Variants in RASL12 observed in about 807,000 individuals in gnomAD.
RASL12 encodes the protein RAS like family 12, also known as ras-like protein family member 12.
In RASL12, 16 loss-of-function variants were observed where a neutral mutation model predicts 22.9. That is an observed-to-expected ratio of 0.70 (90% CI 0.47 to 1.06). The LOEUF (loss-of-function observed/expected upper bound fraction) is 1.06, where lower values mean the gene tolerates loss of function less well. Among genes scored for constraint, RASL12 ranks in the 50% least tolerant of loss-of-function variants. The pLI, the probability that RASL12 is intolerant of heterozygous loss-of-function variation, is 0.00. For missense variants in RASL12, 306 were observed against 353.1 expected, an observed-to-expected ratio of 0.87 and a Z score of 1.07; for synonymous variants, 159 against 152.2, an observed-to-expected ratio of 1.04 and a Z score of -0.33.
At chr15:65,075,238 A>C (rs2946640) in intron 1 of RASL12, among the ~76,000 whole-genome samples, 1 of 152,046 alleles carries the variant, frequency 6.6e-6, no homozygotes, top group Admixed American at 6.5e-5. Context: ...TTGATTTCTC[A>C]CCGGGCCTTA....
chr15:65,063,870 G>A (rs1052162489), intron 2 of RASL12, among the ~76,000 whole-genome samples: 3 of 152,194 alleles, frequency 2.0e-5, no homozygotes, highest in South Asian at 2.1e-4. Flanking sequence ...CTCCAGGTGC[G>A]GCAGGAGCGC....
At chr15:65,073,059 A>G (rs944817607) in intron 1 of RASL12, among the ~76,000 whole-genome samples, 3 of 152,090 alleles carry the variant, frequency 2.0e-5, no homozygotes, top group African/African-American at 7.2e-5. Context: ...AGAAACAAAC[A>G]AACAAAAAAA....
chr15:65,068,030 G>A, upstream of RASL12: 1 of 1,123,586 alleles, frequency 8.9e-7, no homozygotes. The surrounding 1 kb of genome is among the most constrained non-coding windows in gnomAD (Gnocchi z 4.2). Context: ...GAGCCTGGCG[G>A]GCGGGGCCAC....
upstream of RASL12, among the ~76,000 whole-genome samples, chr15:65,070,760 T>C (rs1041888403): frequency 5.3e-5 from 8 of 151,946 alleles, no homozygotes; most frequent in African/African-American, 1.9e-4. Flanking sequence ...CCTTTCGCGA[T>C]GTGGTTGCCT....
chr15:65,058,600 G>T lies in RASL12; in HGVS notation c.252C>A (p.Cys84Ter). 6.4e-7 allele frequency: 1 copy of T among 1,573,216 alleles called. No homozygotes were observed. Among genetic ancestry groups the T allele is most frequent in the African/African-American group, 1.3e-5 (1 of 74,134 alleles). ...CATGGGCCCAGTTCAGGTAGCGCTC[G>T]CAGTTCCTGGGGGTGTCCTGGGGTG... ...DTADLDTPRN[C>*]ERYLNWAHAF... Residue 84 changes from cysteine to a stop codon, truncating the protein, a stop_gained, in exon 4 of 5, where the codon TGC (cysteine) becomes TGA (stop). Transcript: ENST00000220062. LOFTEE classifies it high-confidence loss of function.
chr15:65,069,114 A>G (rs1255084623), upstream of RASL12, among the ~76,000 whole-genome samples: 1 of 152,160 alleles, frequency 6.6e-6, no homozygotes, highest in Non-Finnish European at 1.5e-5. Context: ...CAGAGGAACC[A>G]TGGAAAACCA....
In RASL12 at chr15:65,054,900, C is replaced by T. The variant is rs2232763; in HGVS notation, c.800G>A (p.Ter267=). Residue 267 remains the stop codon, a stop_retained_variant, in exon 5 of 5, where the codon TGA becomes TAA. Coordinates refer to ENST00000220062, the MANE Select transcript of RASL12 (RefSeq NM_016563.4). ...LTLLKGFKIF[*] The stretch of plus-strand genomic sequence containing the variant: ...CCTAGGCTTCCTGGGGAGGGGGCCT[C>T]AGAAGATCTTGAAGCCCTTCAGGAG... The T allele has an allele frequency of 4.6e-4, 745 of 1,607,686 alleles. 1 individual carries two copies. The African/African-American group carries it at 9.0e-3, about 19-fold the overall frequency.
At chr15:65,068,082 C>G (rs2086903260), upstream of RASL12, 26 of 1,061,142 alleles carry the variant, frequency 2.5e-5, no homozygotes, top group South Asian at 1.0e-3. This position sits in a 1 kb window ranked among gnomAD's most constrained non-coding sequence, Gnocchi z 4.2. Flanking sequence ...GCGGAGCCCC[C>G]CGCGGGGCGC....
downstream of RASL12, among the ~76,000 whole-genome samples, chr15:65,052,719 T>C (rs1259812164): frequency 1.3e-5 from 2 of 152,012 alleles, no homozygotes; most frequent in Non-Finnish European, 1.5e-5. Flanking sequence ...ATTTCCTCAC[T>C]TGGAAGGTGC....
At chr15:65,058,701 C>G (rs962911468) in intron 3 of RASL12, 84 bp from the exon 4 acceptor site, 27 of 995,466 alleles carry the variant, frequency 2.7e-5, no homozygotes, top group South Asian at 4.7e-5. Context: ...TCCCACCTCC[C>G]CACTCCCCGG....
At chr15:65,050,075 T>TGCTTTGG, downstream of RASL12, 1 of 1,551,552 alleles carries the variant, frequency 6.4e-7, no homozygotes, top group Non-Finnish European at 8.7e-7. Context: ...CTGGAAGAGA[T>TGCTTTGG]GCTTTGGTTT....
At chr15:65,046,646 C>T in the RASL12 span, among the ~76,000 whole-genome samples, 3 of 152,158 alleles carry the variant, frequency 2.0e-5, no homozygotes, top group Non-Finnish European at 4.4e-5. Flanking sequence ...GGCGCGGTGG[C>T]TCATGCCTGT....
rs114341498 is a variant in RASL12, at chr15:65,063,761, G to T, written c.160+1456C>A. On this transcript the variant is annotated intron_variant, in intron 2 of 4. Coordinates refer to ENST00000220062, the MANE Select transcript of RASL12 (RefSeq NM_016563.4). ...CTAAGGAAAAGCTTTTTTAAACAAGGGGACTAAATAGCCCTGATGTCTCTG... is the reference window on the plus strand; with the variant it reads ...CTAAGGAAAAGCTTTTTTAAACAAGTGGACTAAATAGCCCTGATGTCTCTG... Among the ~76,000 whole-genome samples the T allele has an allele frequency of 4.2e-3, 643 of 152,316 alleles. 5 individuals carry two copies. Among genetic ancestry groups the T allele is most frequent in the African/African-American group, 0.015 (615 of 41,566 alleles).
chr15:65,050,816 T>C (rs1177970363), downstream of RASL12, among the ~76,000 whole-genome samples: 4 of 148,744 alleles, frequency 2.7e-5, no homozygotes, highest in African/African-American at 9.9e-5. Flanking sequence ...TTTCCTTTTT[T>C]TTTCTTTCTT....
the RASL12 span, among the ~76,000 whole-genome samples, chr15:65,046,614 T>C: frequency 6.6e-6 from 1 of 152,046 alleles, no homozygotes; most frequent in Non-Finnish European, 1.5e-5. Context: ...ATATTAAACA[T>C]ATTTTAAACA....
chr15:65,052,909 C>T, downstream of RASL12: 4 of 1,559,834 alleles, frequency 2.6e-6, no homozygotes, highest in South Asian at 1.2e-5. Flanking sequence ...TTTGGGCGAC[C>T]CAGTCCTGCC....
At chr15:65,058,394 T>A in intron 4 of RASL12, 33 bp downstream of exon 4, 1 of 1,410,822 alleles carries the variant, frequency 7.1e-7, no homozygotes, top group Admixed American at 2.5e-5. Flanking sequence ...GAAAGCGAGC[T>A]CTGGAGATAA....
intron 1 of RASL12, among the ~76,000 whole-genome samples, chr15:65,066,269 A>G (rs1307992525): frequency 6.6e-6 from 1 of 152,140 alleles, no homozygotes; most frequent in Admixed American, 6.5e-5. Flanking sequence ...AGAAAAAAGA[A>G]AGAAAGAAAA....
rs762030544 is a variant in RASL12, at chr15:65,076,532, G to A, written c.67C>T (p.Arg23Ter). ...CCTTAAGAGCTGTAACACTCACCTCGAGGGTCCGCGGCTTCATTCTTGAAG... is the reference window on the plus strand; with the variant it reads ...CCTTAAGAGCTGTAACACTCACCTCAAGGGTCCGCGGCTTCATTCTTGAAG... The change falls in exon 1 of 5, where the codon CGA (arginine) becomes TGA (stop). Residue 23 changes from arginine to a stop codon, truncating the protein, a stop_gained. Transcript: ENST00000434605. LOFTEE classifies it high-confidence loss of function. The A allele has an allele frequency of 4.0e-5, 28 of 699,934 alleles. No homozygotes were observed. Among genetic ancestry groups the A allele is most frequent in the South Asian group, 1.8e-4 (12 of 66,764 alleles). 43.4% of individuals were successfully genotyped at this position (699,934 alleles called of 1,614,324 possible).
Sources: allele counts gnomAD v4.1 joint callset (sites outside exome capture counted in the v4.1 genomes callset), GRCh38; gene constraint gnomAD v4.1.1; non-coding constraint Gnocchi (gnomAD v3.1); transcripts MANE v1.5; gene names NCBI Gene and HGNC (gene_info 2026-07-23, HGNC 2026-07-21).